BCL11A: variants seen among roughly 807,000 people sequenced by gnomAD.
BCL11A encodes the protein B cell CLL/lymphoma 11A.
A neutral mutation model predicts 55.9 loss-of-function variants in BCL11A; 2 were observed. The observed-to-expected ratio is 0.04, with a 90% confidence interval of 0.01 to 0.11. BCL11A has a LOEUF of 0.11. BCL11A is among the 10% of genes least tolerant of loss of function. BCL11A has a pLI of 1.00. For missense variants in BCL11A, 817 were observed against 1,137.1 expected (o/e 0.72, Z 4.05); for synonymous variants, 465 against 473.4 (o/e 0.98, Z 0.23).
intron 2 of BCL11A, among the ~76,000 whole-genome samples, chr2:60,540,573 T>C (rs965352816): frequency 6.6e-6 from 1 of 152,200 alleles, no homozygotes; most frequent in Non-Finnish European, 1.5e-5. Flanking sequence ...AACATTTTCA[T>C]TGAGAAATCA....
At chr2:60,550,461 G>T (rs1386638721) in intron 1 of BCL11A, among the ~76,000 whole-genome samples, 3 of 152,052 alleles carry the variant, frequency 2.0e-5, no homozygotes, top group South Asian at 2.1e-4. Flanking sequence ...GGCAGGAGGT[G>T]GGGGAGGCTC....
intron 2 of BCL11A, among the ~76,000 whole-genome samples, chr2:60,474,741 A>G (rs1572976325): frequency 6.6e-6 from 1 of 152,228 alleles, no homozygotes; most frequent in South Asian, 2.1e-4. Context: ...CATTCATTCA[A>G]CCTCTCATGC....
chr2:60,509,366 G>T (rs575714848), intron 2 of BCL11A, among the ~76,000 whole-genome samples: 1 of 152,186 alleles, frequency 6.6e-6, no homozygotes, highest in Admixed American at 6.5e-5. Flanking sequence ...ACGGATTTCC[G>T]GAAGAAATTC....
chr2:60,505,546 T>G (rs1365724019), intron 2 of BCL11A, among the ~76,000 whole-genome samples: 1 of 152,220 alleles, frequency 6.6e-6, no homozygotes, highest in Non-Finnish European at 1.5e-5. Flanking sequence ...TCTTTTACCT[T>G]CTTGTCCAAC....
At chr2:60,496,774 G>GCTCTCTCT (rs10657650) in intron 2 of BCL11A, among the ~76,000 whole-genome samples, 1 of 149,248 alleles carries the variant, frequency 6.7e-6, no homozygotes, top group Non-Finnish European at 1.5e-5. Flanking sequence ...CACTGTGAGT[G>GCTCTCTCT]CTCTCTCTCT....
chr2:60,547,106 T>A (rs1166755445), intron 1 of BCL11A, among the ~76,000 whole-genome samples: 1 of 152,242 alleles, frequency 6.6e-6, no homozygotes, highest in Admixed American at 6.5e-5. Context: ...ATTAGTCATT[T>A]TTTTTTTATT....
chr2:60,552,908 T>G (rs927478930), intron 1 of BCL11A, among the ~76,000 whole-genome samples: 3 of 151,254 alleles, frequency 2.0e-5, no homozygotes, highest in African/African-American at 7.3e-5. Context: ...GGGAGTGGAA[T>G]CATTGCATTC....
At position 60,458,937 on chromosome 2, in the gene BCL11A, G is replaced by C; in HGVS notation, c.*1467C>G. On this transcript the variant is annotated 3_prime_UTR_variant, in exon 4 of 4. Coordinates refer to ENST00000642384, the MANE Select transcript of BCL11A (RefSeq NM_022893.4). ...CAAATAGCACACAGTGTATGGAAAA[G>C]AAATGAAGTACAACTTTTAGGGAGC... is the stretch of plus-strand genomic sequence containing the variant. The C allele has an allele frequency of 9.7e-7, 1 of 1,034,134 alleles. No homozygotes were observed. Among genetic ancestry groups the C allele is most frequent in the Non-Finnish European group, 1.2e-6 (1 of 858,978 alleles). The allele number at this position is 1,034,134 out of a possible 1,614,324, so 64.1% of individuals were successfully genotyped here.
intron 2 of BCL11A, among the ~76,000 whole-genome samples, chr2:60,481,423 G>T (rs74946846): frequency 5.1e-4 from 78 of 152,190 alleles, no homozygotes; most frequent in Admixed American, 1.6e-3. Flanking sequence ...TCTGCTTTGC[G>T]GCTTTAACGC....
chr2:60,548,968 A>G (rs1670272594), intron 1 of BCL11A, among the ~76,000 whole-genome samples: 1 of 152,134 alleles, frequency 6.6e-6, no homozygotes, highest in Admixed American at 6.5e-5. Flanking sequence ...CCTAACCCTC[A>G]GCCATTTACC....
chr2:60,507,406 T>C (rs1162790412), intron 2 of BCL11A, among the ~76,000 whole-genome samples: 2 of 144,798 alleles, frequency 1.4e-5, no homozygotes, highest in Admixed American at 6.9e-5. Context: ...CCCTTGCCTT[T>C]CTTGAAAAGC....
Position 60,458,572 on chromosome 2 carries a change from G to C in BCL11A, c.*1832C>G. 9.7e-7 allele frequency: 1 copy of C among 1,036,174 alleles called. No homozygotes were observed. Among genetic ancestry groups the C allele is most frequent in the African/African-American group, 1.7e-5 (1 of 59,330 alleles). 64.2% of individuals were successfully genotyped at this position (1,036,174 alleles called of 1,614,324 possible). A position where few individuals can be genotyped will look rare whatever the true frequency, so the allele number is the denominator to read the frequency against. On this transcript the variant is annotated 3_prime_UTR_variant, in exon 4 of 4. Coordinates refer to ENST00000642384, the MANE Select transcript of BCL11A (RefSeq NM_022893.4). ...TGCAATGTTGCGTCCAAGTAAGTAAGCTCAATAGTCAAGTAAATGGCTGGC... is the reference window on the plus strand; with the variant it reads ...TGCAATGTTGCGTCCAAGTAAGTAACCTCAATAGTCAAGTAAATGGCTGGC...
chr2:60,536,196 C>G (rs551693159), intron 2 of BCL11A: 1 of 152,178 alleles, frequency 6.6e-6, no homozygotes, highest in South Asian at 2.1e-4. Context: ...GAACTGCTAT[C>G]GAAGAATATT....
chr2:60,467,165 GTGA>G (rs1403172831), intron 3 of BCL11A, among the ~76,000 whole-genome samples: 115 of 137,126 alleles, frequency 8.4e-4, no homozygotes, highest in Middle Eastern at 3.6e-3. Context: ...GGTGGTGGTG[GTGA>G]TGGTGGTGGT....
chr2:60,540,667 G>A (rs1209211087), intron 2 of BCL11A, among the ~76,000 whole-genome samples: 1 of 152,176 alleles, frequency 6.6e-6, no homozygotes, highest in Admixed American at 6.5e-5. Flanking sequence ...CAAACTACAT[G>A]GAAGCTGCAG....
intron 2 of BCL11A, chr2:60,508,772 T>C (rs1679795612): frequency 6.6e-6 from 1 of 152,356 alleles, no homozygotes; most frequent in Non-Finnish European, 1.5e-5. Context: ...GCGACAGGGC[T>C]GGACCTTTGC....
intron 2 of BCL11A, among the ~76,000 whole-genome samples, chr2:60,509,310 C>A (rs1157991954): frequency 6.6e-6 from 1 of 152,184 alleles, no homozygotes; most frequent in Non-Finnish European, 1.5e-5. Flanking sequence ...CCACTTCTTT[C>A]CAGAAATGGG....
chr2:60,539,395 T>G (rs1268342039), intron 2 of BCL11A, among the ~76,000 whole-genome samples: 1 of 152,194 alleles, frequency 6.6e-6, no homozygotes, highest in African/African-American at 2.4e-5. Context: ...CTTGCCAACC[T>G]AACTCAATGC....
rs1676148575 is a variant in BCL11A at position 60,460,076 on chromosome 2, A to C, written c.*328T>G. 1.8e-6 allele frequency: 2 copies of C among 1,102,830 alleles called. No individual in the cohort carries two copies. The highest frequency in any genetic ancestry group is 3.2e-5 in the African/African-American group (2 of 62,192). 68.3% of individuals were successfully genotyped at this position (1,102,830 alleles called of 1,614,324 possible). On this transcript the variant is annotated 3_prime_UTR_variant, in exon 4 of 4. Transcript: ENST00000642384. ...TAAAAAAAAACATACACAACATGTA[A>C]ATTATTGCACAAGAGAAAGGCTCAA...
Sources: allele counts gnomAD v4.1 joint callset (sites outside exome capture counted in the v4.1 genomes callset), GRCh38; gene constraint gnomAD v4.1.1; transcripts MANE v1.5; gene names NCBI Gene and HGNC (gene_info 2026-07-23, HGNC 2026-07-21).